KIF26B: variants seen among roughly 807,000 people sequenced by gnomAD.
The protein encoded by KIF26B is kinesin family member 26B, also known as kinesin-like protein KIF26B.
Under a neutral mutation model 151.2 loss-of-function variants are expected in KIF26B, and 63 were observed. That is an observed-to-expected ratio of 0.42 (90% CI 0.34 to 0.51). KIF26B has a LOEUF of 0.51. Ranked by LOEUF, KIF26B falls within the 20% of genes least tolerant of loss-of-function variation. KIF26B has a pLI of 0.07. For synonymous variants in KIF26B, 1,357 were observed against 1,262.1 expected (o/e 1.08, Z -1.59); for missense variants, 2,813 against 2,913.6 (o/e 0.97, Z 0.79).
At position 245,607,711 on chromosome 1, in the gene KIF26B, G is replaced by A. The variant is rs1220003298; in HGVS notation, c.1618G>A (p.Gly540Ser). ...VIQSVVNGAD[G>S]CVFCFGHAKL... ...CCAGTCTGTGGTCAACGGGGCAGAT[G>A]GCTGCGTGTTCTGTTTCGGCCACGC... is the stretch of plus-strand genomic sequence containing the variant. Residue 540 changes from glycine (G) to serine (S), a missense_variant, in exon 7 of 15, where the codon GGC (glycine) becomes AGC (serine). This residue lies in a region of KIF26B where 77 missense variants were observed against 136.9 expected (regional missense o/e 0.56). Coordinates refer to ENST00000407071, the MANE Select transcript of KIF26B (RefSeq NM_018012.4). 1 of 1,613,082 alleles carries A rather than the reference G, an allele frequency of 6.2e-7. No individual in the cohort carries two copies. Among genetic ancestry groups the A allele is most frequent in the African/African-American group, 1.3e-5 (1 of 74,924 alleles).
At chr1:245,481,530 G>A (rs760767678) in intron 4 of KIF26B, among the ~76,000 whole-genome samples, 15 of 151,924 alleles carry the variant, frequency 9.9e-5, no homozygotes, top group Non-Finnish European at 1.5e-4. Context: ...TGAGTGCTCA[G>A]GTCTGCAGAC....
chr1:245,531,264 C>T (rs556241289), intron 4 of KIF26B, among the ~76,000 whole-genome samples: 1 of 152,078 alleles, frequency 6.6e-6, no homozygotes, highest in African/African-American at 2.4e-5. Flanking sequence ...TTTTATTTTG[C>T]CCAAATAAAA....
At chr1:245,324,456 A>G (rs1671946930) in intron 2 of KIF26B, among the ~76,000 whole-genome samples, 1 of 152,206 alleles carries the variant, frequency 6.6e-6, no homozygotes, top group Non-Finnish European at 1.5e-5. Flanking sequence ...TATGAAATTC[A>G]TGGAAATGCT....
chr1:245,315,417 C>T lies in KIF26B; in HGVS notation c.466-51417C>T, dbSNP rs1226854634. Among the ~76,000 whole-genome samples the T allele has an allele frequency of 2.0e-5, 3 of 151,362 alleles. No homozygotes were observed. In the East Asian group the frequency reaches 5.9e-4, roughly 30 times the overall value. On this transcript the variant is annotated intron_variant, in intron 2 of 14. Coordinates refer to ENST00000407071, the MANE Select transcript of KIF26B (RefSeq NM_018012.4). ...ACCAGGCTGGGCGACAGAGTGAGAC[C>T]TTGTCTGTAAAAGAAAAAAAAAGGC...
At chr1:245,553,342 T>A (rs1661938060) in intron 5 of KIF26B, among the ~76,000 whole-genome samples, 1 of 152,150 alleles carries the variant, frequency 6.6e-6, no homozygotes, top group Non-Finnish European at 1.5e-5. Context: ...TATGTGGTCA[T>A]TTTGGTTTCA....
rs1670656902 is a variant in KIF26B, at chr1:245,262,193, C to A, written c.466-104641C>A. On this transcript the variant is annotated intron_variant, in intron 2 of 14. Coordinates refer to ENST00000407071, the MANE Select transcript of KIF26B (RefSeq NM_018012.4). ...ACACAGGAATCATTATTGTACAGAACATAGGAGACAGCCACTATGAAAGCA... is the reference window on the plus strand; with the variant it reads ...ACACAGGAATCATTATTGTACAGAAAATAGGAGACAGCCACTATGAAAGCA... 2.6e-5 allele frequency among the ~76,000 whole-genome samples: 4 copies of A among 152,126 alleles called. No individual in the cohort carries two copies. The South Asian group carries it at 8.3e-4, about 32-fold the overall frequency.
chr1:245,262,496 C>T (rs1173498990), intron 2 of KIF26B, among the ~76,000 whole-genome samples: 3 of 151,884 alleles, frequency 2.0e-5, no homozygotes, highest in South Asian at 2.1e-4. Flanking sequence ...TATTGTTGCT[C>T]TGGCTGGAGT....
intron 4 of KIF26B, among the ~76,000 whole-genome samples, chr1:245,492,819 C>G (rs112062221): frequency 6.6e-6 from 1 of 152,078 alleles, no homozygotes. Context: ...CTTGCTCTGT[C>G]GCCCAGGCTG....
In KIF26B at chr1:245,572,245, A is replaced by G. The variant is rs145205281; in HGVS notation, c.1351-30332A>G. Among the ~76,000 whole-genome samples the G allele has an allele frequency of 2.8e-4, 43 of 152,250 alleles. No individual in the cohort carries two copies. Among genetic ancestry groups the G allele is most frequent in the African/African-American group, 9.1e-4 (38 of 41,538 alleles). ...TGTCGTTTGGCCTGGAATGTTTCAG[A>G]GCACCCTTTCATGCCTGGTCAGGGT... On this transcript the variant is annotated intron_variant, in intron 5 of 14. Coordinates refer to ENST00000407071, the MANE Select transcript of KIF26B (RefSeq NM_018012.4). The surrounding 1 kb of genome is among the most constrained non-coding windows in gnomAD (Gnocchi z 4.2).
At chr1:245,278,897 A>G (rs1265056910) in intron 2 of KIF26B, among the ~76,000 whole-genome samples, 1 of 152,178 alleles carries the variant, frequency 6.6e-6, no homozygotes, top group Non-Finnish European at 1.5e-5. Context: ...AGTAACCACT[A>G]TGGGACTTGC....
intron 4 of KIF26B, among the ~76,000 whole-genome samples, chr1:245,462,134 A>AC (rs907009160): frequency 6.6e-6 from 1 of 152,144 alleles, no homozygotes; most frequent in Non-Finnish European, 1.5e-5. Flanking sequence ...GAAAAAGAAA[A>AC]AAAATTAAAA....
chr1:245,250,565 A>C (rs996532332), intron 2 of KIF26B, among the ~76,000 whole-genome samples: 1 of 152,182 alleles, frequency 6.6e-6, no homozygotes, highest in African/African-American at 2.4e-5. Flanking sequence ...AGATGTTGCC[A>C]GTTTGTTCTC....
chr1:245,198,951 G>A (rs1216709502), intron 2 of KIF26B, among the ~76,000 whole-genome samples: 1 of 151,550 alleles, frequency 6.6e-6, no homozygotes, highest in Non-Finnish European at 1.5e-5. Flanking sequence ...AGCGTCGGGG[G>A]AGGCGGGAGA....
chr1:245,375,238 G>A lies in KIF26B; in HGVS notation c.999+7871G>A, dbSNP rs181211487. Among the ~76,000 whole-genome samples the A allele has an allele frequency of 1.3e-3, 201 of 152,174 alleles. 1 individual carries two copies. The highest frequency in any genetic ancestry group is 2.6e-3 in the Non-Finnish European group (179 of 68,004). On this transcript the variant is annotated intron_variant, in intron 3 of 14. Transcript: ENST00000407071. The surrounding 1 kb of genome is among the most constrained non-coding windows in gnomAD (Gnocchi z 4.2). ...ATTACAGGCATGGACCACCATGTCC[G>A]GCTAATTTTTGTATTTTTAGTAGAG...
In KIF26B at chr1:245,239,179, G is replaced by A. The variant is rs943041385; in HGVS notation, c.465+82496G>A. Among the ~76,000 whole-genome samples the A allele has an allele frequency of 1.3e-5, 2 of 152,162 alleles. No homozygotes were observed. Among genetic ancestry groups the A allele is most frequent in the African/African-American group, 4.8e-5 (2 of 41,438 alleles). On this transcript the variant is annotated intron_variant, in intron 2 of 14. Coordinates refer to ENST00000407071, the MANE Select transcript of KIF26B (RefSeq NM_018012.4). The surrounding 1 kb of genome is among the most constrained non-coding windows in gnomAD (Gnocchi z 4.3). ...GACATTTAGTGGAAGATGGACATGGGCAGGAGTTAACGCGTCCTCCAGAGA... is the reference window on the plus strand; with the variant it reads ...GACATTTAGTGGAAGATGGACATGGACAGGAGTTAACGCGTCCTCCAGAGA...
In KIF26B at chr1:245,688,429, GC is replaced by G; in HGVS notation, c.5447del (p.Ala1816GlyfsTer60). 1 of 1,415,464 alleles carries G rather than the reference GC, an allele frequency of 7.1e-7. No individual in the cohort carries two copies. The highest frequency in any genetic ancestry group is 9.2e-7 in the Non-Finnish European group (1 of 1,090,954). 87.7% of individuals were successfully genotyped at this position (1,415,464 alleles called of 1,614,324 possible). A position where few individuals can be genotyped will look rare whatever the true frequency, so the allele number is the denominator to read the frequency against. ...CATCTCGGAGCTGCTGCAGGGTGGC[GC>G]GGGCGCCCGGGGCTTGCAGCTGCGG... The part of the protein sequence containing the change: ...GRISELLQGG[A>X]GARGLQLRAG... On this transcript the variant is annotated frameshift_variant, in exon 12 of 15. Coordinates refer to ENST00000407071, the MANE Select transcript of KIF26B (RefSeq NM_018012.4). LOFTEE classifies it high-confidence loss of function.
intron 2 of KIF26B, among the ~76,000 whole-genome samples, chr1:245,271,188 A>G (rs989531495): frequency 6.6e-6 from 1 of 152,168 alleles, no homozygotes; most frequent in African/African-American, 2.4e-5. Context: ...GAAAGTGTGA[A>G]AATTCTAGCT....
intron 4 of KIF26B, among the ~76,000 whole-genome samples, chr1:245,428,755 C>T (rs935072940): frequency 5.3e-5 from 8 of 152,096 alleles, no homozygotes; most frequent in Non-Finnish European, 8.8e-5. Flanking sequence ...GTCTGACTGG[C>T]GGCCGGTTGG....
chr1:245,505,677 G>A (rs1477522175), intron 4 of KIF26B, among the ~76,000 whole-genome samples: 1 of 152,120 alleles, frequency 6.6e-6, no homozygotes, highest in Non-Finnish European at 1.5e-5. Context: ...GAGCCACTGC[G>A]GCTCATACAT....
Sources: allele counts gnomAD v4.1 joint callset (sites outside exome capture counted in the v4.1 genomes callset), GRCh38; gene constraint gnomAD v4.1.1; regional missense constraint gnomAD v4.1.1; non-coding constraint Gnocchi (gnomAD v3.1); transcripts MANE v1.5; gene names NCBI Gene and HGNC (gene_info 2026-07-23, HGNC 2026-07-21).